Variants in SERPINB9 observed in about 807,000 individuals in gnomAD.
SERPINB9 encodes serpin family B member 9, also known as serpin B9.
SERPINB9 carries 20 observed loss-of-function variants against 27.2 expected under a neutral mutation model. That is an observed-to-expected ratio of 0.74 (90% confidence interval 0.52 to 1.07). SERPINB9 has a LOEUF of 1.07. SERPINB9 is among the 50% of genes least tolerant of loss of function. The pLI is 0.00. For synonymous variants in SERPINB9, 189 were observed against 180.0 expected (o/e 1.05, Z -0.40); for missense variants, 476 against 460.1 (o/e 1.03, Z -0.32).
Position 2,892,079 on chromosome 6 carries a change from C to T in SERPINB9, c.568-91G>A. On this transcript the variant is annotated intron_variant, in intron 5 of 6. Transcript: ENST00000380698. ...TGTTTTCAGCACCTGTGATGGAAAC[C>T]GCCACATTCATGCCCCAGTTAACAC... 3 of 841,100 alleles carry T rather than the reference C, an allele frequency of 3.6e-6. No individual in the cohort carries two copies. In the South Asian group the frequency reaches 4.4e-5, roughly 12 times the overall value. The allele number at this position is 841,100 out of a possible 1,614,324, so 52.1% of individuals were successfully genotyped here.
In SERPINB9 at chr6:2,888,927, A is replaced by C. The variant is rs1021980540; in HGVS notation, c.*1236T>G. The C allele has an allele frequency of 1.3e-5, 2 of 152,194 alleles. No homozygotes were observed. Among genetic ancestry groups the C allele is most frequent in the African/African-American group, 4.8e-5 (2 of 41,444 alleles). 9.4% of individuals were successfully genotyped at this position (152,194 alleles called of 1,614,324 possible). A position where few individuals can be genotyped will look rare whatever the true frequency, so the allele number is the denominator to read the frequency against. ...AAGTTACATAGCTCGTATATAATCA[A>C]CTTACTTATTACTGCACTATGAGGG... On this transcript the variant is annotated 3_prime_UTR_variant, in exon 7 of 7. Coordinates refer to ENST00000380698, the MANE Select transcript of SERPINB9 (RefSeq NM_004155.6).
rs1767719989 is a variant in SERPINB9, at chr6:2,889,697, A to C, written c.*466T>G. 1 of 114,394 alleles carries C rather than the reference A, an allele frequency of 8.7e-6. No homozygotes were observed. Among genetic ancestry groups the C allele is most frequent in the Non-Finnish European group, 1.8e-5 (1 of 55,068 alleles). 7.1% of individuals were successfully genotyped at this position (114,394 alleles called of 1,614,324 possible). A position where few individuals can be genotyped will look rare whatever the true frequency, so the allele number is the denominator to read the frequency against. On this transcript the variant is annotated 3_prime_UTR_variant, in exon 7 of 7. Coordinates refer to ENST00000380698, the MANE Select transcript of SERPINB9 (RefSeq NM_004155.6). ...GCGACAGAGAGCCAGACTGCGTCTC[A>C]GAAAAAAAAAAAAAAAAAAGATAAA...
In SERPINB9 at chr6:2,896,207, T is replaced by C; in HGVS notation, c.169-17A>G. The stretch of plus-strand genomic sequence containing the variant: ...AGACAGTGCCTGTTGTGAAAGATAA[T>C]TTTAAAAGTTATCAAGATAGCTCTT... On this transcript the variant is annotated splice_polypyrimidine_tract_variant and intron_variant, in intron 2 of 6. Coordinates refer to ENST00000380698, the MANE Select transcript of SERPINB9 (RefSeq NM_004155.6). 1.2e-6 allele frequency: 2 copies of C among 1,610,628 alleles called. No homozygotes were observed. The highest frequency in any genetic ancestry group is 1.7e-5 in the Admixed American group (1 of 59,158).
rs1767783792 is a variant in SERPINB9 at position 2,891,052 on chromosome 6, T to C, written c.724-482A>G. On this transcript the variant is annotated intron_variant, in intron 6 of 6. Coordinates refer to ENST00000380698, the MANE Select transcript of SERPINB9 (RefSeq NM_004155.6). This position sits in a 1 kb window ranked among gnomAD's most constrained non-coding sequence, Gnocchi z 4.0. The stretch of plus-strand genomic sequence containing the variant: ...CAGAGGATTATCTGCCCCAGAGAGA[T>C]TCTGCATAGTTTCCGGAGCATAGTT... 6.6e-6 allele frequency among the ~76,000 whole-genome samples: 1 copy of C among 152,146 alleles called. No homozygotes were observed. The highest frequency in any genetic ancestry group is 2.1e-4 in the South Asian group (1 of 4,816).
intron 5 of SERPINB9, among the ~76,000 whole-genome samples, chr6:2,892,378 A>G: frequency 6.6e-6 from 1 of 152,306 alleles, no homozygotes; most frequent in East Asian, 1.9e-4. Flanking sequence ...CCAACCCAAC[A>G]TATGAGAAAA....
chr6:2,902,083 C>T (rs1768225475), intron 1 of SERPINB9, among the ~76,000 whole-genome samples: 1 of 152,204 alleles, frequency 6.6e-6, no homozygotes, highest in Non-Finnish European at 1.5e-5. Context: ...CACCTGCCCC[C>T]TCCCTTGATC....
At position 2,896,145 on chromosome 6, in the gene SERPINB9, A is replaced by T; in HGVS notation, c.214T>A (p.Ser72Thr). Residue 72 changes from serine to threonine, a missense_variant, in exon 3 of 7, where the codon TCG becomes ACG. Ser to Thr is a moderately conservative substitution (Grantham distance 58). Transcript: ENST00000380698. ...TEEDIHRAFQ[S>T]LLTEVNKAGT... ...GCCTTGTTCACTTCAGTGAGAAGCG[A>T]CTGGAAAGCCCGATGAATGTCTTCC... The T allele has an allele frequency of 1.9e-6, 3 of 1,614,112 alleles. No homozygotes were observed. The highest frequency in any genetic ancestry group is 2.5e-6 in the Non-Finnish European group (3 of 1,179,992).
intron 1 of SERPINB9, among the ~76,000 whole-genome samples, chr6:2,901,478 C>A (rs146732374): frequency 6.6e-6 from 1 of 152,146 alleles, no homozygotes; most frequent in Non-Finnish European, 1.5e-5. Context: ...CCCTGCAGAA[C>A]GCCAGAATGG....
rs200425579 is a variant in SERPINB9 at position 2,891,835 on chromosome 6, T to G, written c.721A>C (p.Thr241Pro). ...LLPDDGVELS[T>P]VEKSLTFEKL... ...TCTTCCCGCAGCCCGGGTCTTACCG[T>G]GCTGAGCTCCACGCCGTCGTCAGGC... is the stretch of plus-strand genomic sequence containing the variant. The change falls in exon 6 of 7, where the codon ACG (threonine) becomes CCG (proline). Residue 241 changes from threonine to proline, a missense_variant and splice_region_variant. By Grantham distance (38) the Thr-to-Pro change is conservative. Transcript: ENST00000380698. This position sits in a 1 kb window ranked among gnomAD's most constrained non-coding sequence, Gnocchi z 4.0. The G allele has an allele frequency of 3.8e-5, 61 of 1,602,256 alleles. No individual in the cohort carries two copies. In the Admixed American group the frequency reaches 5.2e-4, roughly 14 times the overall value.
At position 2,894,440 on chromosome 6, in the gene SERPINB9, T is replaced by G. The variant is rs1767925195; in HGVS notation, c.425-887A>C. Among the ~76,000 whole-genome samples, 2 of 152,160 alleles carry G rather than the reference T, an allele frequency of 1.3e-5. No homozygotes were observed. The highest frequency in any genetic ancestry group is 2.9e-5 in the Non-Finnish European group (2 of 68,030). On this transcript the variant is annotated intron_variant, in intron 4 of 6. Coordinates refer to ENST00000380698, the MANE Select transcript of SERPINB9 (RefSeq NM_004155.6). This position sits in a 1 kb window ranked among gnomAD's most constrained non-coding sequence, Gnocchi z 4.7. Reference sequence around the variant, plus strand: ...CCCCAAATGGAGGGTATTTTCAGTCTGTGGAACTGATCAGCCCTGAGAGAG... The same window carrying G: ...CCCCAAATGGAGGGTATTTTCAGTCGGTGGAACTGATCAGCCCTGAGAGAG...
At chr6:2,898,837 C>T (rs895228462) in intron 2 of SERPINB9, among the ~76,000 whole-genome samples, 3 of 151,528 alleles carry the variant, frequency 2.0e-5, no homozygotes, top group Admixed American at 2.0e-4. Flanking sequence ...AGAAATAGGA[C>T]TGGAGGAAGA....
At chr6:2,899,698 CAAT>C (rs1768128647) in intron 2 of SERPINB9, 1 of 268,946 alleles carries the variant, frequency 3.7e-6, no homozygotes, top group African/African-American at 2.2e-5. Context: ...CTTCTTCACA[CAAT>C]GAGCTGGGAA....
At chr6:2,900,335 GC>G in intron 2 of SERPINB9, 108 bp downstream of exon 2, 1 of 1,373,132 alleles carries the variant, frequency 7.3e-7, no homozygotes, top group Non-Finnish European at 1.0e-6. Flanking sequence ...GCACACTCGG[GC>G]CCCAGTCCTG....
intron 5 of SERPINB9, 25 bp downstream of exon 5, chr6:2,893,386 C>T: frequency 6.3e-7 from 1 of 1,589,554 alleles, no homozygotes; most frequent in Non-Finnish European, 8.6e-7. Flanking sequence ...ATCAAACTAG[C>T]AGGATTTTAA....
chr6:2,888,601 T>A lies in SERPINB9; in HGVS notation c.*1562A>T, dbSNP rs1457415785. 1 of 152,182 alleles carries A rather than the reference T, an allele frequency of 6.6e-6. No individual in the cohort carries two copies. Among genetic ancestry groups the A allele is most frequent in the African/African-American group, 2.4e-5 (1 of 41,440 alleles). The allele number at this position is 152,182 out of a possible 1,614,324, so 9.4% of individuals were successfully genotyped here. The stretch of plus-strand genomic sequence containing the variant: ...ACACAAAAGGTCTCATACAATTCAA[T>A]TTATATAAAATAGCAAGAATAGATA... On this transcript the variant is annotated 3_prime_UTR_variant, in exon 7 of 7. Transcript: ENST00000380698.
In SERPINB9 at chr6:2,896,057, A is replaced by G; in HGVS notation, c.302T>C (p.Leu101Pro). 6.2e-7 allele frequency: 1 copy of G among 1,612,826 alleles called. No individual in the cohort carries two copies. The highest frequency in any genetic ancestry group is 8.5e-7 in the Non-Finnish European group (1 of 1,179,672). ...TGTTCTATTGATTCAACTTACTGAG[A>G]GGAACTGACAAGTTTTCTCTCCAAA... is the stretch of plus-strand genomic sequence containing the variant. ...RLFGEKTCQF[L>P]STFKESCLQF... The change falls in exon 3 of 7, where the codon CTC (leucine) becomes CCC (proline). Residue 101 changes from leucine to proline, a missense_variant. Coordinates refer to ENST00000380698, the MANE Select transcript of SERPINB9 (RefSeq NM_004155.6).
intron 2 of SERPINB9, among the ~76,000 whole-genome samples, chr6:2,898,716 A>G (rs1031317964): frequency 5.3e-5 from 8 of 151,788 alleles, no homozygotes; most frequent in African/African-American, 1.9e-4. Flanking sequence ...CGGGAGGCTG[A>G]GGTGGAAGAA....
chr6:2,890,031 A>T lies in SERPINB9; in HGVS notation c.*132T>A, dbSNP rs748799182. The T allele has an allele frequency of 2.6e-6, 2 of 759,768 alleles. No individual in the cohort carries two copies. The highest frequency in any genetic ancestry group is 4.1e-6 in the Non-Finnish European group (2 of 486,326). 47.1% of individuals were successfully genotyped at this position (759,768 alleles called of 1,614,324 possible). A position where few individuals can be genotyped will look rare whatever the true frequency, so the allele number is the denominator to read the frequency against. Reference sequence around the variant, plus strand: ...CATCATGAATTCATGCTGGCAAATCATGAGGGCAGACAGGTAAAGAATCTG... The same window carrying T: ...CATCATGAATTCATGCTGGCAAATCTTGAGGGCAGACAGGTAAAGAATCTG... On this transcript the variant is annotated 3_prime_UTR_variant, in exon 7 of 7. Transcript: ENST00000380698. This position sits in a 1 kb window ranked among gnomAD's most constrained non-coding sequence, Gnocchi z 6.2.
In SERPINB9 at chr6:2,896,158, A is replaced by G. The variant is rs764435761; in HGVS notation, c.201T>C (p.His67=). 6.2e-7 allele frequency: 1 copy of G among 1,614,118 alleles called. No homozygotes were observed. The highest frequency in any genetic ancestry group is 8.5e-7 in the Non-Finnish European group (1 of 1,179,990). ...CAGTGAGAAGCGACTGGAAAGCCCG[A>G]TGAATGTCTTCCTCTGTGTTTAAAG... is the stretch of plus-strand genomic sequence containing the variant. ...ALSLNTEEDI[H]RAFQSLLTEV... The change falls in exon 3 of 7, where the codon CAT becomes CAC. Residue 67 remains histidine, a synonymous_variant. Coordinates refer to ENST00000380698, the MANE Select transcript of SERPINB9 (RefSeq NM_004155.6).
Sources: allele counts gnomAD v4.1 joint callset (sites outside exome capture counted in the v4.1 genomes callset), GRCh38; gene constraint gnomAD v4.1.1; non-coding constraint Gnocchi (gnomAD v3.1); transcripts MANE v1.5; gene names NCBI Gene and HGNC (gene_info 2026-07-23, HGNC 2026-07-21).